The following ANO4 variants were observed in gnomAD, a reference collection of about 807,000 sequenced individuals.
ANO4 encodes the protein anoctamin 4.
ANO4 carries 69 observed loss-of-function variants against 141.9 expected under a neutral mutation model. The ratio of observed to expected loss-of-function variants is 0.49; its 90% CI spans 0.40 to 0.59. ANO4 has a LOEUF of 0.59. Among genes scored for constraint, ANO4 ranks in the 20% least tolerant of loss-of-function variants. ANO4 has a pLI of 0.00. For missense variants in ANO4, 894 were observed against 1,162.2 expected (o/e 0.77, Z 3.36); for synonymous variants, 350 against 394.3 (o/e 0.89, Z 1.33).
At chr12:101,020,591 G>A (rs535613535) in intron 9 of ANO4, among the ~76,000 whole-genome samples, 1 of 152,320 alleles carries the variant, frequency 6.6e-6, no homozygotes, top group East Asian at 1.9e-4. Context: ...GCTTCACTGA[G>A]AAGCTGAAAT....
chr12:101,075,856 T>G (rs2049005281), intron 14 of ANO4, among the ~76,000 whole-genome samples: 2 of 151,970 alleles, frequency 1.3e-5, no homozygotes, highest in Non-Finnish European at 2.9e-5. Context: ...CTCCCAAGGC[T>G]GTGAGTATTC....
chr12:100,725,090 G>A (rs950658857), intron 1 of ANO4, among the ~76,000 whole-genome samples: 16 of 152,300 alleles, frequency 1.1e-4, no homozygotes, highest in Non-Finnish European at 2.2e-4. Context: ...ATCAGATGGT[G>A]AATATTTTTG....
intron 7 of ANO4, among the ~76,000 whole-genome samples, chr12:100,985,570 G>A (rs2044673194): frequency 6.6e-6 from 1 of 152,152 alleles, no homozygotes; most frequent in Non-Finnish European, 1.5e-5. Flanking sequence ...CAGCCCCATA[G>A]TTCATGTTGT....
chr12:100,915,689 A>G (rs1379701129), intron 2 of ANO4, among the ~76,000 whole-genome samples: 1 of 152,172 alleles, frequency 6.6e-6, no homozygotes, highest in Non-Finnish European at 1.5e-5. Flanking sequence ...ATTTGTAGTG[A>G]AGCACCTAGA....
intron 7 of ANO4, among the ~76,000 whole-genome samples, chr12:100,985,362 G>A (rs895888526): frequency 6.6e-6 from 1 of 152,110 alleles, no homozygotes; most frequent in Admixed American, 6.5e-5. Context: ...AGTAATAATA[G>A]CCAGCATTTC....
intron 3 of ANO4, among the ~76,000 whole-genome samples, chr12:100,759,298 A>G (rs574114010): frequency 6.6e-6 from 1 of 152,226 alleles, no homozygotes; most frequent in Non-Finnish European, 1.5e-5. Context: ...TTTAGCACCT[A>G]CTACATGCCT....
intron 3 of ANO4, among the ~76,000 whole-genome samples, chr12:100,754,860 A>G (rs941587964): frequency 6.6e-6 from 1 of 152,194 alleles, no homozygotes; most frequent in Non-Finnish European, 1.5e-5. Flanking sequence ...GAAATAGAGT[A>G]GTCAAATCCA....
At chr12:101,080,663 C>G (rs1214108245) in intron 15 of ANO4, among the ~76,000 whole-genome samples, 1 of 151,416 alleles carries the variant, frequency 6.6e-6, no homozygotes, top group Non-Finnish European at 1.5e-5. Context: ...CCCATCACTA[C>G]TAAAAACACA....
At chr12:101,053,043 T>A (rs1188195679) in intron 14 of ANO4, among the ~76,000 whole-genome samples, 1 of 152,230 alleles carries the variant, frequency 6.6e-6, no homozygotes, top group Non-Finnish European at 1.5e-5. Context: ...AATTAAGATC[T>A]CATTAACTCA....
chr12:101,091,622 A>C (rs974314070), intron 17 of ANO4, among the ~76,000 whole-genome samples: 1 of 152,204 alleles, frequency 6.6e-6, no homozygotes, highest in Non-Finnish European at 1.5e-5. Flanking sequence ...GATTTTTTAC[A>C]GCTGTCTATT....
At chr12:100,717,882 T>C (rs757967780) in intron 1 of ANO4, among the ~76,000 whole-genome samples, 20 of 151,876 alleles carry the variant, frequency 1.3e-4, no homozygotes, top group Non-Finnish European at 2.6e-4. Context: ...AGGCTTGGAG[T>C]TGGGAGATGT....
At chr12:100,961,144 T>A (rs2043400563) in intron 5 of ANO4, among the ~76,000 whole-genome samples, 1 of 152,144 alleles carries the variant, frequency 6.6e-6, no homozygotes, top group Non-Finnish European at 1.5e-5. Flanking sequence ...ATCCCGAGGG[T>A]CCAATTAGGG....
chr12:100,876,079 CA>C (rs2039286961), intron 1 of ANO4, among the ~76,000 whole-genome samples: 1 of 152,112 alleles, frequency 6.6e-6, no homozygotes, highest in Admixed American at 6.6e-5. Context: ...TTTACTGTTG[CA>C]GTCTTGAAAT....
intron 1 of ANO4, among the ~76,000 whole-genome samples, chr12:100,883,893 A>G (rs1472412219): frequency 2.6e-5 from 4 of 152,208 alleles, no homozygotes; most frequent in Non-Finnish European, 4.4e-5. Flanking sequence ...GGAAAATGGA[A>G]CACAATTTTT....
chr12:101,059,532 T>C (rs1566189365), intron 14 of ANO4, among the ~76,000 whole-genome samples: 1 of 152,232 alleles, frequency 6.6e-6, no homozygotes. Flanking sequence ...ACTGCCTCAA[T>C]TTCAGAACTT....
chr12:101,003,998 A>T, intron 8 of ANO4, among the ~76,000 whole-genome samples: 1 of 152,074 alleles, frequency 6.6e-6, no homozygotes. Context: ...ACCAAGCAGG[A>T]TAGGTAGATG....
chr12:101,102,535 T>G (rs2050231959), intron 22 of ANO4, among the ~76,000 whole-genome samples: 2 of 151,996 alleles, frequency 1.3e-5, no homozygotes, highest in African/African-American at 4.8e-5. Context: ...CAAGCCCATG[T>G]TTTTTTTGTG....
chr12:100,874,932 A>G (rs2039222455), intron 1 of ANO4, among the ~76,000 whole-genome samples: 1 of 152,034 alleles, frequency 6.6e-6, no homozygotes, highest in African/African-American at 2.4e-5. Context: ...CTGTACCCTC[A>G]TTGTATCTTG....
intron 14 of ANO4, chr12:101,068,766 C>A: frequency 7.9e-7 from 1 of 1,266,772 alleles, no homozygotes; most frequent in South Asian, 1.2e-5. Context: ...ACACTGCAGC[C>A]TGCTTACATA....
Sources: gnomAD v4.1 joint callset for allele counts (sites outside exome capture counted in the v4.1 genomes callset) on GRCh38, gnomAD v4.1.1 for gene constraint, MANE v1.5 for transcripts, NCBI Gene and HGNC (gene_info 2026-07-23, HGNC 2026-07-21) for gene names.